Variants in OTUD7B observed in about 807,000 individuals in gnomAD.
OTUD7B encodes OTU domain-containing protein 7B.
A neutral mutation model predicts 82.2 loss-of-function variants in OTUD7B; 34 were observed. The ratio of observed to expected loss-of-function variants is 0.41; its 90% CI spans 0.31 to 0.55. The LOEUF (loss-of-function observed/expected upper bound fraction) is 0.55. Ranked by LOEUF, OTUD7B falls within the 20% of genes least tolerant of loss-of-function variation. OTUD7B has a pLI of 0.20. For synonymous variants in OTUD7B, 398 were observed against 402.7 expected (o/e 0.99, Z 0.14); for missense variants, 944 against 1,062.1 (o/e 0.89, Z 1.55).
At chr1:150,007,907 A>AT (rs1234004842) in intron 1 of OTUD7B, among the ~76,000 whole-genome samples, 2 of 152,232 alleles carry the variant, frequency 1.3e-5, no homozygotes, top group Admixed American at 1.3e-4. Flanking sequence ...CTGTTTAAGG[A>AT]TTTTCCCTTT....
At chr1:150,057,045 A>C in the OTUD7B span, among the ~76,000 whole-genome samples, 1 of 152,210 alleles carries the variant, frequency 6.6e-6, no homozygotes, top group South Asian at 2.1e-4. Context: ...AAGTGATCAA[A>C]GTTAATATCA....
At chr1:150,062,939 C>T in the OTUD7B span, among the ~76,000 whole-genome samples, 5 of 151,478 alleles carry the variant, frequency 3.3e-5, no homozygotes, top group African/African-American at 1.2e-4. Flanking sequence ...GTCTCAAACT[C>T]CTGACCTCAA....
rs2092737323 is a variant in OTUD7B, at chr1:149,938,030, C to T, written c.*5827G>A. On this transcript the variant is annotated 3_prime_UTR_variant, in exon 12 of 12. Transcript: ENST00000581312. ...CAGTCTGGAACAAAGAGGTATACAC[C>T]TGCTAAGAAGGTGGCCCAGAAGCCT... 6.6e-6 allele frequency: 1 copy of T among 152,166 alleles called. No individual in the cohort carries two copies. The highest frequency in any genetic ancestry group is 2.4e-5 in the African/African-American group (1 of 41,370). The allele number at this position is 152,166 out of a possible 1,614,324, so 9.4% of individuals were successfully genotyped here.
rs189069947 is a variant in OTUD7B, at chr1:149,974,917, C to T, written c.85+2509G>A. On this transcript the variant is annotated intron_variant, in intron 2 of 11. Coordinates refer to ENST00000581312, the MANE Select transcript of OTUD7B (RefSeq NM_020205.4). ...CTATGTTGCCCAGGCTGGTCTCAAA[C>T]TCCTGGGCTTAATTAAGCGACCGTC... is the stretch of plus-strand genomic sequence containing the variant. 1.1e-3 allele frequency among the ~76,000 whole-genome samples: 173 copies of T among 151,314 alleles called. 1 individual carries two copies. The highest frequency in any genetic ancestry group is 4.1e-3 in the African/African-American group (170 of 41,192).
chr1:150,034,658 G>T, the OTUD7B span, among the ~76,000 whole-genome samples: 1 of 152,194 alleles, frequency 6.6e-6, no homozygotes, highest in Admixed American at 6.5e-5. Context: ...ATAGGACTCT[G>T]TCAGAATAAT....
the OTUD7B span, among the ~76,000 whole-genome samples, chr1:150,030,598 G>A: frequency 4.6e-5 from 7 of 152,012 alleles, no homozygotes; most frequent in African/African-American, 9.7e-5. Flanking sequence ...TAAAACATTC[G>A]TTGGAACCTG....
chr1:150,012,382 C>T (rs1280251031), upstream of OTUD7B, among the ~76,000 whole-genome samples: 1 of 152,144 alleles, frequency 6.6e-6, no homozygotes, highest in African/African-American at 2.4e-5. Context: ...TAACTCTACA[C>T]AAACATTCTG....
chr1:150,034,384 T>G, the OTUD7B span, among the ~76,000 whole-genome samples: 1 of 152,156 alleles, frequency 6.6e-6, no homozygotes, highest in Non-Finnish European at 1.5e-5. Context: ...TACCTGCAGT[T>G]AGAACTCAAA....
chr1:149,979,559 A>G (rs1490350023), intron 1 of OTUD7B, among the ~76,000 whole-genome samples: 1 of 152,206 alleles, frequency 6.6e-6, no homozygotes, highest in African/African-American at 2.4e-5. Context: ...CATTCTAGAT[A>G]TTGTCAATTT....
the OTUD7B span, among the ~76,000 whole-genome samples, chr1:150,050,988 G>A: frequency 1.6e-4 from 24 of 151,458 alleles, no homozygotes; most frequent in Non-Finnish European, 2.7e-4. Context: ...CAGCACTTTG[G>A]GAGGCCAAGG....
chr1:150,000,756 A>G (rs963488608), intron 1 of OTUD7B, among the ~76,000 whole-genome samples: 1 of 152,110 alleles, frequency 6.6e-6, no homozygotes, highest in African/African-American at 2.4e-5. Flanking sequence ...ATGTGGGCAG[A>G]TCACTTGAGG....
the OTUD7B span, among the ~76,000 whole-genome samples, chr1:150,033,910 C>T: frequency 6.6e-6 from 1 of 152,132 alleles, no homozygotes; most frequent in South Asian, 2.1e-4. Context: ...TTAGTAGAGA[C>T]CAGGTTTCAC....
intron 2 of OTUD7B, among the ~76,000 whole-genome samples, 200 bp downstream of exon 2, chr1:149,977,226 C>G (rs1365134673): frequency 6.6e-6 from 1 of 152,154 alleles, no homozygotes; most frequent in Admixed American, 6.5e-5. Context: ...GAGAAAACTA[C>G]CCCAGTAAGT....
chr1:149,957,138 T>TGAGGAGGCAGTCTG (rs1648746771), intron 7 of OTUD7B, among the ~76,000 whole-genome samples: 7 of 148,628 alleles, frequency 4.7e-5, no homozygotes, highest in African/African-American at 1.8e-4. Flanking sequence ...ATTTTCAGCT[T>TGAGGAGGCAGTCTG]TTCTGCTCTG....
At chr1:149,982,565 TC>T (rs1205150279) in intron 1 of OTUD7B, among the ~76,000 whole-genome samples, 4 of 151,866 alleles carry the variant, frequency 2.6e-5, no homozygotes, top group Non-Finnish European at 5.9e-5. Context: ...GCTCAGGCAG[TC>T]CTCCCACCTC....
rs587644002 is a variant in OTUD7B at position 149,964,958 on chromosome 1, C to T, written c.605-609G>A. ...AGGCTGGAGTACAGTGGTGCGATCT[C>T]GGCTCACTCACTGCAACCTCTGGCC... is the stretch of plus-strand genomic sequence containing the variant. On this transcript the variant is annotated intron_variant, in intron 5 of 11. Coordinates refer to ENST00000581312, the MANE Select transcript of OTUD7B (RefSeq NM_020205.4). 6.7e-5 allele frequency among the ~76,000 whole-genome samples: 10 copies of T among 150,180 alleles called. 1 individual carries two copies. The South Asian group carries it at 2.1e-3, about 32-fold the overall frequency.
chr1:149,989,921 T>C (rs587725497), intron 1 of OTUD7B, among the ~76,000 whole-genome samples: 5 of 152,224 alleles, frequency 3.3e-5, no homozygotes, highest in African/African-American at 9.6e-5. Context: ...ATTTGATCTA[T>C]AGGCCCAGTA....
chr1:150,009,808 G>C (rs1327127255), intron 1 of OTUD7B, among the ~76,000 whole-genome samples: 2 of 151,998 alleles, frequency 1.3e-5, no homozygotes, highest in Admixed American at 6.6e-5. Flanking sequence ...ATTATGAGAA[G>C]AGTGAGATCA....
chr1:149,947,424 A>G (rs891486668), intron 10 of OTUD7B, 89 bp from the exon 11 acceptor site: 9 of 728,350 alleles, frequency 1.2e-5, no homozygotes, highest in African/African-American at 5.2e-5. Context: ...AGAGGGCTAC[A>G]TGGCTTAGGA....
Sources: gnomAD v4.1 joint callset for allele counts (sites outside exome capture counted in the v4.1 genomes callset) on GRCh38, gnomAD v4.1.1 for gene constraint, MANE v1.5 for transcripts, NCBI Gene and HGNC (gene_info 2026-07-23, HGNC 2026-07-21) for gene names.